Variants in PRKCH observed in about 807,000 individuals in gnomAD.
PRKCH encodes the protein protein kinase C eta, also known as protein kinase C eta type.
Under a neutral mutation model 82.5 loss-of-function variants are expected in PRKCH, and 28 were observed. That is an observed-to-expected ratio of 0.34 (90% CI 0.25 to 0.47). The LOEUF (loss-of-function observed/expected upper bound fraction) is 0.47. PRKCH is among the 20% of genes least tolerant of loss of function. The pLI is 1.00. For missense variants in PRKCH, 705 were observed against 881.8 expected, an observed-to-expected ratio of 0.80 and a Z score of 2.54; for synonymous variants, 322 against 327.4, an observed-to-expected ratio of 0.98 and a Z score of 0.18.
At chr14:61,529,002 G>GTGTGTGTGTT in intron 10 of PRKCH, 73 bp from the exon 11 acceptor site, 1 of 1,460,304 alleles carries the variant, frequency 6.8e-7, no homozygotes. Context: ...GTGTGTGTGT[G>GTGTGTGTGTT]TGTGCCCATT....
chr14:61,496,890 C>T (rs1886690145), intron 10 of PRKCH, among the ~76,000 whole-genome samples: 1 of 151,700 alleles, frequency 6.6e-6, no homozygotes, highest in Non-Finnish European at 1.5e-5. Context: ...ACCTACTCCT[C>T]ATGACAGCGC....
At chr14:61,342,451 T>G (rs1951963) in intron 1 of PRKCH, among the ~76,000 whole-genome samples, 2,761 of 152,240 alleles carry the variant, frequency 0.018, 76 homozygotes, top group African/African-American at 0.058. Flanking sequence ...TTTAATTAAT[T>G]ATGGATTTTT....
intron 1 of PRKCH, among the ~76,000 whole-genome samples, chr14:61,265,987 C>CG (rs1566799664): frequency 6.6e-6 from 1 of 152,084 alleles, no homozygotes; most frequent in East Asian, 1.9e-4. Context: ...CCTAGCTACT[C>CG]GGGAGGCTAA....
rs1269914183 is a variant in PRKCH at position 61,457,635 on chromosome 14, A to C, written c.1234A>C (p.Asn412His). Residue 412 changes from asparagine to histidine, a missense_variant, in exon 9 of 14, where the codon AAT (asparagine) becomes CAT (histidine). Asn to His is a moderately conservative substitution (Grantham distance 68). Transcript: ENST00000332981. ...TEKRILSLAR[N>H]HPFLTQLFCC... ...GAAAAGGATCCTGTCTCTGGCCCGC[A>C]ATCACCCCTTCCTCACTCAGTTGTT... 7 of 1,613,966 alleles carry C rather than the reference A, an allele frequency of 4.3e-6. 1 individual carries two copies. Among genetic ancestry groups the C allele is most frequent in the African/African-American group, 2.7e-5 (2 of 74,902 alleles).
At chr14:61,519,372 C>G (rs1409167008) in intron 10 of PRKCH, among the ~76,000 whole-genome samples, 1 of 152,060 alleles carries the variant, frequency 6.6e-6, no homozygotes, top group Non-Finnish European at 1.5e-5. Flanking sequence ...GGGATGGTCC[C>G]AATCTCCTAG....
chr14:61,273,039 A>G (rs2045172154), intron 1 of PRKCH, among the ~76,000 whole-genome samples: 1 of 152,236 alleles, frequency 6.6e-6, no homozygotes, highest in Non-Finnish European at 1.5e-5. Flanking sequence ...TAAAAAAATA[A>G]AAATACCTTT....
intron 1 of PRKCH, among the ~76,000 whole-genome samples, chr14:61,301,849 G>A (rs1020290582): frequency 6.6e-6 from 1 of 152,112 alleles, no homozygotes; most frequent in Non-Finnish European, 1.5e-5. Context: ...TGAAAAAGAA[G>A]TACATATCTT....
chr14:61,210,777 TC>T, intron 1 of PRKCH, among the ~76,000 whole-genome samples: 1 of 150,004 alleles, frequency 6.7e-6, no homozygotes, highest in Non-Finnish European at 1.5e-5. Flanking sequence ...TCTCTCTCTC[TC>T]TCTCTCTCTC....
At chr14:61,395,303 T>A (rs1223045230) in intron 2 of PRKCH, among the ~76,000 whole-genome samples, 1 of 35,200 alleles carries the variant, frequency 2.8e-5, no homozygotes, top group South Asian at 1.4e-3. Flanking sequence ...CCCCCCCGCA[T>A]TTGCCTGCCA....
intron 2 of PRKCH, among the ~76,000 whole-genome samples, chr14:61,402,828 A>C (rs1305824211): frequency 6.6e-6 from 1 of 151,046 alleles, no homozygotes; most frequent in Non-Finnish European, 1.5e-5. Context: ...AAAAGAAAGA[A>C]TCTAGCTGTC....
At chr14:61,335,891 A>G (rs554296947) in intron 1 of PRKCH, among the ~76,000 whole-genome samples, 2 of 152,340 alleles carry the variant, frequency 1.3e-5, no homozygotes, top group South Asian at 4.1e-4. Flanking sequence ...GACAACTACC[A>G]TAATTATCAG....
At chr14:61,541,308 C>G (rs1241507782) in intron 12 of PRKCH, among the ~76,000 whole-genome samples, 5 of 152,266 alleles carry the variant, frequency 3.3e-5, no homozygotes, top group Non-Finnish European at 7.3e-5. Flanking sequence ...TCGTCAGCCC[C>G]AGGTGGCCAT....
intron 1 of PRKCH, among the ~76,000 whole-genome samples, chr14:61,202,693 C>T (rs1418424253): frequency 6.6e-6 from 1 of 151,702 alleles, no homozygotes; most frequent in Non-Finnish European, 1.5e-5. Flanking sequence ...TTTATCTCCA[C>T]TTACAAAAAA....
chr14:61,217,627 T>G (rs1474389971), intron 1 of PRKCH, among the ~76,000 whole-genome samples: 1 of 152,120 alleles, frequency 6.6e-6, no homozygotes, highest in Non-Finnish European at 1.5e-5. Flanking sequence ...CATCATCAGC[T>G]TCTTCCTCCT....
intron 10 of PRKCH, among the ~76,000 whole-genome samples, chr14:61,504,208 T>C (rs1014281180): frequency 6.6e-6 from 1 of 151,472 alleles, no homozygotes; most frequent in Admixed American, 6.6e-5. Context: ...TTTTTTTTCT[T>C]GAGAGAGTCT....
At position 61,400,075 on chromosome 14, in the gene PRKCH, ATCTTTT is replaced by A. The variant is rs148692345; in HGVS notation, c.427+8795_427+8800del. ...CACAATGGTGCAGAATAAGAGTCTGATCTTTTTCTTTTTGTCCCATTGCCTCAGTTT... is the reference window on the plus strand; with the variant it reads ...CACAATGGTGCAGAATAAGAGTCTGATCTTTTTGTCCCATTGCCTCAGTTT... On this transcript the variant is annotated intron_variant, in intron 2 of 13. Transcript: ENST00000332981. Among the ~76,000 whole-genome samples the A allele has an allele frequency of 7.6e-3, 1,151 of 152,296 alleles. 13 individuals carry two copies. Among genetic ancestry groups the A allele is most frequent in the African/African-American group, 0.026 (1,092 of 41,548 alleles).
intron 1 of PRKCH, among the ~76,000 whole-genome samples, chr14:61,356,028 CG>C (rs2046143307): frequency 6.6e-6 from 1 of 152,152 alleles, no homozygotes; most frequent in African/African-American, 2.4e-5. Flanking sequence ...GGTAACACAT[CG>C]CCACCCCTTT....
At chr14:61,479,454 T>A (rs1885870956) in intron 9 of PRKCH, among the ~76,000 whole-genome samples, 1 of 152,164 alleles carries the variant, frequency 6.6e-6, no homozygotes, top group East Asian at 1.9e-4. Context: ...GCTGAGCAGA[T>A]GCCTCCAAAG....
intron 10 of PRKCH, among the ~76,000 whole-genome samples, chr14:61,502,059 TCTTTTC>T (rs1298534453): frequency 0.056 from 5,216 of 92,928 alleles, 395 homozygotes; most frequent in African/African-American, 0.2. Flanking sequence ...TCTTTTCTTT[TCTTTTC>T]TTTTTTTTTT....
Sources: allele counts gnomAD v4.1 joint callset (sites outside exome capture counted in the v4.1 genomes callset), GRCh38; gene constraint gnomAD v4.1.1; transcripts MANE v1.5; gene names NCBI Gene and HGNC (gene_info 2026-07-23, HGNC 2026-07-21).